Variants in LGSN observed in about 807,000 individuals in gnomAD.
LGSN encodes the protein lengsin, lens protein with glutamine synthetase domain.
A neutral mutation model predicts 19.5 loss-of-function variants in LGSN; 21 were observed. The observed-to-expected ratio is 1.07, with a 90% CI of 0.76 to 1.55. The LOEUF (loss-of-function observed/expected upper bound fraction) is 1.55, where lower values mean the gene tolerates loss of function less well. LGSN is among the 40% of genes most tolerant of loss of function. The pLI, the probability that LGSN is intolerant of heterozygous loss-of-function variation, is 0.00. For synonymous variants in LGSN, 257 were observed against 215.6 expected (o/e 1.19, Z -1.68); for missense variants, 673 against 608.5 (o/e 1.11, Z -1.12).
the LGSN span, among the ~76,000 whole-genome samples, chr6:63,450,409 T>C: frequency 2.0e-5 from 3 of 146,688 alleles, no homozygotes; most frequent in Admixed American, 6.8e-5. Flanking sequence ...AAGCAAGGTG[T>C]GGTGGCAGGC....
intron 2 of LGSN, 130 bp from the exon 3 acceptor site, chr6:63,285,883 A>G (rs879529478): frequency 1.6e-5 from 11 of 696,400 alleles, no homozygotes; most frequent in Non-Finnish European, 2.6e-5. Context: ...TCACTGGCTT[A>G]GAGTTGGATA....
the LGSN span, among the ~76,000 whole-genome samples, chr6:63,411,028 T>C: frequency 6.6e-6 from 1 of 152,224 alleles, no homozygotes; most frequent in African/African-American, 2.4e-5. Flanking sequence ...ATGTAAATTG[T>C]GCCTAAATTT....
At chr6:63,548,726 A>T in the LGSN span, 2 of 649,292 alleles carry the variant, frequency 3.1e-6, no homozygotes, top group Non-Finnish European at 5.5e-6. Context: ...GCTTAGTTGC[A>T]AGTTCTTGAG....
At chr6:63,498,623 G>A in the LGSN span, among the ~76,000 whole-genome samples, 1 of 152,096 alleles carries the variant, frequency 6.6e-6, no homozygotes, top group Non-Finnish European at 1.5e-5. Context: ...AACTTGTCAT[G>A]TTATCAAAGG....
At chr6:63,396,352 TG>T in the LGSN span, 1 of 240,676 alleles carries the variant, frequency 4.2e-6, no homozygotes, top group Admixed American at 5.1e-5. Flanking sequence ...CCTGCACTCT[TG>T]GCTCCAACAC....
the LGSN span, among the ~76,000 whole-genome samples, chr6:63,470,569 T>A: frequency 6.6e-6 from 1 of 151,966 alleles, no homozygotes; most frequent in African/African-American, 2.4e-5. Flanking sequence ...CCTGAAAAAA[T>A]TAATGTGTAA....
the LGSN span, among the ~76,000 whole-genome samples, chr6:63,437,156 AAGGG>A: frequency 0.087 from 9,826 of 112,668 alleles, 650 homozygotes; most frequent in African/African-American, 0.19. Context: ...AAAGAGAGAG[AAGGG>A]AGGGAGGGAG....
chr6:63,388,627 C>G, the LGSN span, among the ~76,000 whole-genome samples: 10 of 152,174 alleles, frequency 6.6e-5, no homozygotes, highest in African/African-American at 2.4e-4. Context: ...ACACCTTCAT[C>G]TTGGACTTCT....
the LGSN span, among the ~76,000 whole-genome samples, chr6:63,422,681 A>G: frequency 6.6e-6 from 1 of 152,144 alleles, no homozygotes; most frequent in Non-Finnish European, 1.5e-5. Context: ...AAAATACTAT[A>G]TATACAGAAA....
chr6:63,319,398 A>T (rs552920471), intron 1 of LGSN, among the ~76,000 whole-genome samples: 2 of 152,350 alleles, frequency 1.3e-5, no homozygotes, highest in South Asian at 4.1e-4. Flanking sequence ...GTACACACAC[A>T]TTAAGAAGTG....
the LGSN span, among the ~76,000 whole-genome samples, chr6:63,330,142 T>C: frequency 6.6e-6 from 1 of 152,222 alleles, no homozygotes; most frequent in Non-Finnish European, 1.5e-5. Flanking sequence ...CACCTTCCAG[T>C]GATTGCCTCG....
At chr6:63,285,784 C>A (rs377114817) in intron 2 of LGSN, 31 bp from the exon 3 acceptor site, 10 of 1,597,866 alleles carry the variant, frequency 6.3e-6, no homozygotes, top group African/African-American at 5.4e-5. Flanking sequence ...TTCTAACTCA[C>A]GAGATCATGA....
the LGSN span, among the ~76,000 whole-genome samples, chr6:63,424,139 G>A: frequency 6.6e-6 from 1 of 152,014 alleles, no homozygotes; most frequent in African/African-American, 2.4e-5. Context: ...ATCAGAAATA[G>A]GGGATATCAC....
chr6:63,478,872 G>A, the LGSN span, among the ~76,000 whole-genome samples: 24 of 152,284 alleles, frequency 1.6e-4, no homozygotes, highest in African/African-American at 4.6e-4. Flanking sequence ...TCCTCTCTCA[G>A]CTTTTCCTTC....
the LGSN span, chr6:63,570,988 T>A: frequency 2.0e-5 from 3 of 152,236 alleles, no homozygotes; most frequent in Non-Finnish European, 2.9e-5. Flanking sequence ...TTTCTTAGAA[T>A]TTAAGATTTT....
the LGSN span, among the ~76,000 whole-genome samples, chr6:63,472,440 G>A: frequency 6.6e-6 from 1 of 152,114 alleles, no homozygotes; most frequent in South Asian, 2.1e-4. Flanking sequence ...AACATTGAGT[G>A]CCTAGGAAAA....
At chr6:63,478,331 G>T in the LGSN span, among the ~76,000 whole-genome samples, 1 of 152,164 alleles carries the variant, frequency 6.6e-6, no homozygotes, top group African/African-American at 2.4e-5. Flanking sequence ...CAGAAAGTAC[G>T]TTAGTGGTTG....
At chr6:63,336,890 A>C in the LGSN span, among the ~76,000 whole-genome samples, 1 of 149,372 alleles carries the variant, frequency 6.7e-6, no homozygotes, top group Admixed American at 6.7e-5. Context: ...GTGAACCACC[A>C]TGCCCGGCCC....
chr6:63,437,149 GA>G, the LGSN span, among the ~76,000 whole-genome samples: 2 of 103,184 alleles, frequency 1.9e-5, no homozygotes. Context: ...GAGAAAGAAA[GA>G]GAGAGAAGGG....
Sources: gnomAD v4.1 joint callset for allele counts (sites outside exome capture counted in the v4.1 genomes callset) on GRCh38, gnomAD v4.1.1 for gene constraint, MANE v1.5 for transcripts, NCBI Gene and HGNC (gene_info 2026-07-23, HGNC 2026-07-21) for gene names.